Variants in CACNA2D4 observed in about 807,000 individuals in gnomAD.
CACNA2D4 encodes the protein calcium voltage-gated channel auxiliary subunit alpha2delta 4, also known as voltage-dependent calcium channel subunit alpha-2/delta-4.
CACNA2D4 carries 157 observed loss-of-function variants against 163.8 expected under a neutral mutation model. That is an observed-to-expected ratio of 0.96 (90% CI 0.84 to 1.09). CACNA2D4 has a LOEUF of 1.09. Among genes scored for constraint, CACNA2D4 ranks in the 50% least tolerant of loss-of-function variants. CACNA2D4 has a pLI of 0.00. For missense variants in CACNA2D4, 1,410 were observed against 1,479.9 expected (o/e 0.95, Z 0.78); for synonymous variants, 598 against 586.9 (o/e 1.02, Z -0.27).
chr12:1,879,375 C>T (rs1211740143), intron 14 of CACNA2D4, among the ~76,000 whole-genome samples: 1 of 152,160 alleles, frequency 6.6e-6, no homozygotes, highest in African/African-American at 2.4e-5. Context: ...CTGAAGCATA[C>T]AGAGCCTGTA....
intron 23 of CACNA2D4, among the ~76,000 whole-genome samples, chr12:1,850,621 T>C (rs1865254939): frequency 6.6e-6 from 1 of 150,584 alleles, no homozygotes; most frequent in Admixed American, 6.6e-5. Context: ...AAAGATGAGG[T>C]TGGCCAGGCG....
intron 10 of CACNA2D4, 29 bp downstream of exon 10, chr12:1,884,958 C>T (rs939136612): frequency 6.2e-7 from 1 of 1,607,714 alleles, no homozygotes; most frequent in African/African-American, 1.3e-5. Context: ...TCCCAGTCCT[C>T]CCCTCCCAGG....
intron 4 of CACNA2D4, among the ~76,000 whole-genome samples, chr12:1,908,616 C>G (rs1290637393): frequency 1.3e-5 from 2 of 151,862 alleles, no homozygotes; most frequent in Non-Finnish European, 2.9e-5. Context: ...GACTGCGTCA[C>G]GGACATCCCC....
intron 6 of CACNA2D4, among the ~76,000 whole-genome samples, chr12:1,897,538 C>T (rs1866436742): frequency 6.6e-6 from 1 of 152,144 alleles, no homozygotes; most frequent in Admixed American, 6.5e-5. Flanking sequence ...AAGATGATGG[C>T]ACATTCAAAT....
intron 25 of CACNA2D4, 99 bp from the exon 26 acceptor site, chr12:1,840,918 G>T: frequency 9.7e-7 from 1 of 1,033,324 alleles, no homozygotes; most frequent in Non-Finnish European, 1.5e-6. Context: ...ATAAAAGCAG[G>T]CGAAGGCATC....
Position 1,828,347 on chromosome 12 carries a change from C to G in CACNA2D4, c.2551+12392G>C. The G allele has an allele frequency of 1.4e-6, 1 of 734,468 alleles. No homozygotes were observed. Among genetic ancestry groups the G allele is most frequent in the South Asian group, 2.3e-5 (1 of 44,442 alleles). 45.5% of individuals were successfully genotyped at this position (734,468 alleles called of 1,614,324 possible). A position where few individuals can be genotyped will look rare whatever the true frequency, so the allele number is the denominator to read the frequency against. Reference sequence around the variant, plus strand: ...GCCTACGCCAGATCTTCCTGGGGTACCCGAGGCTATGTTCTGGGAAGCCAG... The same window carrying G: ...GCCTACGCCAGATCTTCCTGGGGTAGCCGAGGCTATGTTCTGGGAAGCCAG... On this transcript the variant is annotated intron_variant, in intron 26 of 37. Transcript: ENST00000382722. The surrounding 1 kb of genome is among the most constrained non-coding windows in gnomAD (Gnocchi z 4.2).
intron 3 of CACNA2D4, 139 bp from the exon 4 acceptor site, chr12:1,910,104 A>T: frequency 1.4e-6 from 1 of 729,920 alleles, no homozygotes; most frequent in Non-Finnish European, 2.5e-6. Context: ...AGGGATGCAA[A>T]CAAGAACTTA....
At chr12:1,819,915 G>C (rs940439234) in intron 26 of CACNA2D4, among the ~76,000 whole-genome samples, 1 of 152,132 alleles carries the variant, frequency 6.6e-6, no homozygotes, top group African/African-American at 2.4e-5. Context: ...TCCTGGCGTC[G>C]GGTGGTCAGA....
chr12:1,907,996 C>G lies in CACNA2D4; in HGVS notation c.528G>C (p.Glu176Asp). The change falls in exon 5 of 38, where the codon GAG (glutamate) becomes GAC (aspartate). Residue 176 changes from glutamate (E) to aspartate (D), a missense_variant. Physicochemically the swap from Glu to Asp is conservative, Grantham distance 45. Transcript: ENST00000382722. ...YNSVLINERD[E>D]KGNFVELGAE... Reference sequence around the variant, plus strand: ...CGCCCAGCTCCACGAAGTTGCCCTTCTCGTCCCTCTCGTTGATCAGGACCG... The same window carrying G: ...CGCCCAGCTCCACGAAGTTGCCCTTGTCGTCCCTCTCGTTGATCAGGACCG... 2 of 1,614,032 alleles carry G rather than the reference C, an allele frequency of 1.2e-6. No individual in the cohort carries two copies. Among genetic ancestry groups the G allele is most frequent in the South Asian group, 2.2e-5 (2 of 91,084 alleles).
chr12:1,846,227 C>T (rs765513795), intron 24 of CACNA2D4, among the ~76,000 whole-genome samples: 4 of 152,304 alleles, frequency 2.6e-5, no homozygotes, highest in South Asian at 2.1e-4. Flanking sequence ...GCAATTTCGG[C>T]TTTGTCCCTT....
intron 6 of CACNA2D4, among the ~76,000 whole-genome samples, chr12:1,887,846 C>A (rs974358548): frequency 2.6e-5 from 4 of 152,114 alleles, no homozygotes; most frequent in African/African-American, 7.2e-5. Context: ...TTGGGATAGA[C>A]AAAATGATTG....
intron 6 of CACNA2D4, among the ~76,000 whole-genome samples, chr12:1,893,738 A>G (rs1434515830): frequency 6.6e-6 from 1 of 152,152 alleles, no homozygotes; most frequent in Non-Finnish European, 1.5e-5. Context: ...AATATACCAA[A>G]ACTTGTGGGA....
At chr12:1,816,685 A>G (rs1404171964) in intron 26 of CACNA2D4, among the ~76,000 whole-genome samples, 1 of 152,250 alleles carries the variant, frequency 6.6e-6, no homozygotes, top group African/African-American at 2.4e-5. Flanking sequence ...CTGTGCACAC[A>G]GACTGTCACC....
At chr12:1,873,477 A>G (rs1161787663) in intron 18 of CACNA2D4, among the ~76,000 whole-genome samples, 1 of 152,214 alleles carries the variant, frequency 6.6e-6, no homozygotes, top group African/African-American at 2.4e-5. Flanking sequence ...AAAGGGTAGA[A>G]GAGAACCACA....
intron 26 of CACNA2D4, among the ~76,000 whole-genome samples, chr12:1,821,449 C>G (rs1397417477): frequency 6.6e-6 from 1 of 152,190 alleles, no homozygotes; most frequent in African/African-American, 2.4e-5. Flanking sequence ...GAGGGTGAGG[C>G]TGGGAGTGGG....
chr12:1,848,778 A>ATTATTATTATTATTATTATTT (rs1198136647), intron 23 of CACNA2D4, among the ~76,000 whole-genome samples: 2 of 150,392 alleles, frequency 1.3e-5, no homozygotes, highest in African/African-American at 4.9e-5. Flanking sequence ...TATTATTATT[A>ATTATTATTATTATTATTATTT]TTATTTTTAT....
At chr12:1,886,924 G>T in intron 7 of CACNA2D4, 85 bp downstream of exon 7, 1 of 889,004 alleles carries the variant, frequency 1.1e-6, no homozygotes, top group Non-Finnish European at 1.8e-6. Flanking sequence ...TGGGGGAAGG[G>T]GCGGAAGTGG....
intron 26 of CACNA2D4, among the ~76,000 whole-genome samples, chr12:1,814,010 G>A (rs1863799602): frequency 6.6e-6 from 1 of 152,118 alleles, no homozygotes; most frequent in South Asian, 2.1e-4. Context: ...TCTTTCACCT[G>A]TAGGAAAAGG....
intron 6 of CACNA2D4, among the ~76,000 whole-genome samples, chr12:1,892,309 A>G (rs1411958347): frequency 1.3e-5 from 2 of 152,268 alleles, no homozygotes; most frequent in African/African-American, 4.8e-5. Context: ...TACTATACCC[A>G]GCAAAGTTAT....
Sources: gnomAD v4.1 joint callset for allele counts (sites outside exome capture counted in the v4.1 genomes callset) on GRCh38, gnomAD v4.1.1 for gene constraint, Gnocchi (gnomAD v3.1) non-coding constraint, MANE v1.5 for transcripts, NCBI Gene and HGNC (gene_info 2026-07-23, HGNC 2026-07-21) for gene names.